The following MIEF2 variants were observed in gnomAD, a reference collection of about 807,000 sequenced individuals.
The protein encoded by MIEF2 is mitochondrial elongation factor 2.
In MIEF2, 1 loss-of-function variant was observed where a neutral mutation model predicts 7.4. That is an observed-to-expected ratio of 0.14 (90% CI 0.05 to 0.64). The LOEUF (loss-of-function observed/expected upper bound fraction) is 0.64, where lower values mean the gene tolerates loss of function less well. Among genes scored for constraint, MIEF2 ranks in the 30% least tolerant of loss-of-function variants. The pLI, the probability that MIEF2 is intolerant of heterozygous loss-of-function variation, is 0.85. For missense variants in MIEF2, 569 were observed against 623.9 expected (o/e 0.91, Z 0.94); for synonymous variants, 275 against 290.5 (o/e 0.95, Z 0.54).
chr17:18,264,013 G>A lies in MIEF2; in HGVS notation c.614G>A (p.Gly205Asp). 1.3e-6 allele frequency: 2 copies of A among 1,561,042 alleles called. No individual in the cohort carries two copies. Among genetic ancestry groups the A allele is most frequent in the African/African-American group, 2.7e-5 (2 of 74,388 alleles). ...RLLVPLVLEP[G>D]LWSLVPGVDT... ...CTGGTGCCACTGGTGCTGGAGCCGG[G>A]CCTGTGGAGCCTGGTGCCGGGCGTG... The change falls in exon 4 of 4, where the codon GGC becomes GAC. Residue 205 changes from glycine to aspartate, a missense_variant. Transcript: ENST00000323019.
chr17:18,261,736 A>G (rs560893162), intron 1 of MIEF2, among the ~76,000 whole-genome samples: 8 of 152,320 alleles, frequency 5.3e-5, no homozygotes, highest in Non-Finnish European at 1.0e-4. Context: ...AGGTGAGCAA[A>G]CAGGCTGGGG....
chr17:18,262,604 C>A, intron 1 of MIEF2, 110 bp from the exon 2 acceptor site: 1 of 1,062,374 alleles, frequency 9.4e-7, no homozygotes. Flanking sequence ...CTCATGGGCT[C>A]AGCTCTGTTA....
rs1206439063 is a variant in MIEF2 at position 18,266,531 on chromosome 17, AAATAAT to A, written c.*1772_*1777del. The A allele has an allele frequency of 2.0e-4, 31 of 152,178 alleles. No homozygotes were observed. Among genetic ancestry groups the A allele is most frequent in the African/African-American group, 7.5e-4 (31 of 41,442 alleles). The allele number at this position is 152,178 out of a possible 1,614,324, so 9.4% of individuals were successfully genotyped here. A position where few individuals can be genotyped will look rare whatever the true frequency, so the allele number is the denominator to read the frequency against. ...CTCTGTCTCAAAATAAAATAAAATA[AAATAAT>A]AATAGTAATAATAAATTAGCATCTC... On this transcript the variant is annotated 3_prime_UTR_variant, in exon 4 of 4. Coordinates refer to ENST00000323019, the MANE Select transcript of MIEF2 (RefSeq NM_139162.4).
At chr17:18,263,494 C>A in intron 3 of MIEF2, 1 of 831,644 alleles carries the variant, frequency 1.2e-6, no homozygotes, top group Non-Finnish European at 1.9e-6. Flanking sequence ...ACCTACTCTG[C>A]ATGAAGCTGT....
rs367561558 is a variant in MIEF2, at chr17:18,262,755, G to A, written c.35G>A (p.Arg12His). The change falls in exon 2 of 4, where the codon CGT (arginine) becomes CAT (histidine). Residue 12 changes from arginine (R) to histidine (H), a missense_variant. Coordinates refer to ENST00000323019, the MANE Select transcript of MIEF2 (RefSeq NM_139162.4). ...AEFSQKRGKR[R>H]SDEGLGSMVD... is the part of the protein sequence containing the mutation. Reference sequence around the variant, plus strand: ...TTCTCCCAGAAACGGGGGAAGCGGCGTAGCGACGAAGGGCTGGGCAGCATG... The same window carrying A: ...TTCTCCCAGAAACGGGGGAAGCGGCATAGCGACGAAGGGCTGGGCAGCATG... The A allele has an allele frequency of 6.8e-5, 110 of 1,608,182 alleles. No homozygotes were observed. Among genetic ancestry groups the A allele is most frequent in the Non-Finnish European group, 8.3e-5 (98 of 1,177,074 alleles).
chr17:18,261,952 C>T (rs1978438580), intron 1 of MIEF2, among the ~76,000 whole-genome samples: 2 of 152,372 alleles, frequency 1.3e-5, no homozygotes, highest in South Asian at 4.1e-4. Context: ...CTTGGGCCGT[C>T]TTACTCTGCC....
chr17:18,261,752 G>A (rs1257253909), intron 1 of MIEF2, among the ~76,000 whole-genome samples: 2 of 152,122 alleles, frequency 1.3e-5, no homozygotes, highest in African/African-American at 4.8e-5. Flanking sequence ...TGGGGCCCAG[G>A]CCTTCACCTT....
At chr17:18,263,279 T>G (rs767595528) in intron 3 of MIEF2, 31 bp downstream of exon 3, 22 of 1,613,410 alleles carry the variant, frequency 1.4e-5, no homozygotes, top group Non-Finnish European at 1.0e-5. Flanking sequence ...TCTTTTGGTG[T>G]CACATTCAAG....
chr17:18,263,274 T>C (rs1597938376), intron 3 of MIEF2, 26 bp downstream of exon 3: 1 of 1,613,710 alleles, frequency 6.2e-7, no homozygotes, highest in East Asian at 2.2e-5. Context: ...TCCCCTCTTT[T>C]GGTGTCACAT....
At position 18,265,080 on chromosome 17, in the gene MIEF2, A is replaced by C; in HGVS notation, c.*316A>C. Reference sequence around the variant, plus strand: ...TGGCTCTGTCCATCACCAGCAACCAATCCACCAACAGAATGTGGTTTCTGC... The same window carrying C: ...TGGCTCTGTCCATCACCAGCAACCACTCCACCAACAGAATGTGGTTTCTGC... On this transcript the variant is annotated 3_prime_UTR_variant, in exon 4 of 4. Transcript: ENST00000323019. 2.8e-5 allele frequency: 7 copies of C among 249,108 alleles called. No homozygotes were observed. Among genetic ancestry groups the C allele is most frequent in the East Asian group, 7.8e-5 (1 of 12,844 alleles). The allele number at this position is 249,108 out of a possible 1,614,324, so 15.4% of individuals were successfully genotyped here. A position where few individuals can be genotyped will look rare whatever the true frequency, so the allele number is the denominator to read the frequency against.
intron 1 of MIEF2, among the ~76,000 whole-genome samples, chr17:18,262,177 G>C (rs558551973): frequency 6.6e-6 from 1 of 152,350 alleles, no homozygotes; most frequent in African/African-American, 2.4e-5. Flanking sequence ...ACCTGGCACA[G>C]GGAGAATCCG....
At chr17:18,263,349 C>T (rs1200374607) in intron 3 of MIEF2, 101 bp downstream of exon 3, 1 of 1,495,500 alleles carries the variant, frequency 6.7e-7, no homozygotes, top group African/African-American at 1.4e-5. Flanking sequence ...CCCTGCTTCT[C>T]TCTCGGTTGT....
At position 18,264,782 on chromosome 17, in the gene MIEF2, G is replaced by T; in HGVS notation, c.*18G>T. 6.3e-7 allele frequency: 1 copy of T among 1,585,174 alleles called. No homozygotes were observed. Among genetic ancestry groups the T allele is most frequent in the Non-Finnish European group, 8.6e-7 (1 of 1,161,188 alleles). On this transcript the variant is annotated 3_prime_UTR_variant, in exon 4 of 4. Transcript: ENST00000323019. ...TGCTCTAGGTGGGTGGAAACGGGTG[G>T]TTGCCATGTTTTCTAATGCTGGGGA... is the stretch of plus-strand genomic sequence containing the variant.
chr17:18,262,469 C>G (rs985237576), intron 1 of MIEF2, among the ~76,000 whole-genome samples: 1 of 152,154 alleles, frequency 6.6e-6, no homozygotes, highest in African/African-American at 2.4e-5. Context: ...GCTTGGGACC[C>G]CAAAACCCAA....
In MIEF2 at chr17:18,264,711, G is replaced by A. The variant is rs756298966; in HGVS notation, c.1312G>A (p.Asp438Asn). ...CAGCTTGCGTGAGGAGGAGATTGACGACATTGGCTATGCGCTATACAGTGG... is the reference window on the plus strand; with the variant it reads ...CAGCTTGCGTGAGGAGGAGATTGACAACATTGGCTATGCGCTATACAGTGG... ...FSSLREEEID[D>N]IGYALYSGLQ... The change falls in exon 4 of 4, where the codon GAC (aspartate) becomes AAC (asparagine). Residue 438 changes from aspartate to asparagine, a missense_variant. Physicochemically the swap from Asp to Asn is conservative, Grantham distance 23. Coordinates refer to ENST00000323019, the MANE Select transcript of MIEF2 (RefSeq NM_139162.4). 1.6e-5 allele frequency: 25 copies of A among 1,612,644 alleles called. No individual in the cohort carries two copies. In the East Asian group the frequency reaches 4.2e-4, roughly 27 times the overall value.
chr17:18,263,601 G>A, intron 3 of MIEF2, 109 bp from the exon 4 acceptor site: 1 of 1,385,420 alleles, frequency 7.2e-7, no homozygotes, highest in Middle Eastern at 2.5e-4. Context: ...AGGTGCCACT[G>A]CAGGTGAGAA....
At position 18,264,778 on chromosome 17, in the gene MIEF2, G is replaced by T. The variant is rs2142909035; in HGVS notation, c.*14G>T. On this transcript the variant is annotated 3_prime_UTR_variant, in exon 4 of 4. Transcript: ENST00000323019. ...GGGCTGCTCTAGGTGGGTGGAAACG[G>T]GTGGTTGCCATGTTTTCTAATGCTG... is the stretch of plus-strand genomic sequence containing the variant. 2 of 1,586,686 alleles carry T rather than the reference G, an allele frequency of 1.3e-6. No individual in the cohort carries two copies.
At chr17:18,261,137 T>TG (rs1466911451) in intron 1 of MIEF2, 36 of 1,551,448 alleles carry the variant, frequency 2.3e-5, no homozygotes, top group Non-Finnish European at 2.7e-5. Flanking sequence ...CCGCCAGAGA[T>TG]GGGGCTGAGT....
At position 18,264,438 on chromosome 17, in the gene MIEF2, G is replaced by T. The variant is rs149985657; in HGVS notation, c.1039G>T (p.Asp347Tyr). ...VEAARLRALDDHDAGTRRRLL... is the reference protein window; with the variant it reads ...VEAARLRALDYHDAGTRRRLL... Reference sequence around the variant, plus strand: ...GGCTGCTAGGCTGCGAGCCCTGGACGACCATGACGCTGGGACTCGCCGGCG... The same window carrying T: ...GGCTGCTAGGCTGCGAGCCCTGGACTACCATGACGCTGGGACTCGCCGGCG... The change falls in exon 4 of 4, where the codon GAC becomes TAC. Residue 347 changes from aspartate (D) to tyrosine (Y), a missense_variant. Transcript: ENST00000323019. The T allele has an allele frequency of 3.1e-6, 5 of 1,601,392 alleles. No homozygotes were observed. The highest frequency in any genetic ancestry group is 2.5e-6 in the Non-Finnish European group (3 of 1,179,868).
Sources: allele counts gnomAD v4.1 joint callset (sites outside exome capture counted in the v4.1 genomes callset), GRCh38; gene constraint gnomAD v4.1.1; transcripts MANE v1.5; gene names NCBI Gene and HGNC (gene_info 2026-07-23, HGNC 2026-07-21).